Variants in HEATR4 observed in about 807,000 individuals in gnomAD.
The protein encoded by HEATR4 is HEAT repeat containing 4, also known as HEAT repeat-containing protein 4.
In HEATR4, 95 loss-of-function variants were observed where a neutral mutation model predicts 108.8. That is an observed-to-expected ratio of 0.87 (90% confidence interval 0.74 to 1.04). HEATR4 has a LOEUF of 1.04. Ranked by LOEUF, HEATR4 falls within the 50% of genes least tolerant of loss-of-function variation. HEATR4 has a pLI of 0.00. For synonymous variants in HEATR4, 443 were observed against 459.4 expected, an observed-to-expected ratio of 0.96 and a Z score of 0.46; for missense variants, 1,152 against 1,253.8, an observed-to-expected ratio of 0.92 and a Z score of 1.23.
intron 17 of HEATR4, chr14:73,491,323 C>A (rs1280471652): frequency 2.0e-6 from 3 of 1,500,832 alleles, no homozygotes; most frequent in South Asian, 1.3e-5. Flanking sequence ...ACCTGGGGCC[C>A]GCAGAGCTGC....
intron 17 of HEATR4, 35 bp from the exon 18 acceptor site, chr14:73,478,877 C>T: frequency 6.6e-7 from 1 of 1,514,432 alleles, no homozygotes; most frequent in Non-Finnish European, 9.0e-7. Flanking sequence ...GTGCATATGC[C>T]AAACGTGTCT....
chr14:73,562,277 A>G (rs944762406), upstream of HEATR4, among the ~76,000 whole-genome samples: 5 of 152,020 alleles, frequency 3.3e-5, no homozygotes, highest in East Asian at 1.9e-4. Context: ...TAATATGGAC[A>G]TTTATCAGTT....
chr14:73,498,050 T>C (rs1886205835), intron 14 of HEATR4, 105 bp downstream of exon 14: 11 of 1,057,494 alleles, frequency 1.0e-5, no homozygotes, highest in Non-Finnish European at 1.5e-5. Flanking sequence ...ACCAGTGCTT[T>C]TACTGCCATT....
chr14:73,511,686 T>G (rs1053129363), intron 7 of HEATR4, among the ~76,000 whole-genome samples: 1 of 151,956 alleles, frequency 6.6e-6, no homozygotes, highest in African/African-American at 2.4e-5. Flanking sequence ...ACTAGCCTGG[T>G]CAACATAGCA....
chr14:73,549,478 G>T lies in HEATR4; in HGVS notation c.-152+9273C>A, dbSNP rs1595160997. Among the ~76,000 whole-genome samples, 7 of 126,628 alleles carry T rather than the reference G, an allele frequency of 5.5e-5. No homozygotes were observed. The South Asian group carries it at 1.7e-3, about 31-fold the overall frequency. The allele number at this position is 126,628 out of a possible 152,430, so 83.1% of individuals were successfully genotyped here. ...GTAGAGAACATTCCTGTCACATTCT[G>T]CAGAAAAAGAAATTGAGGCAAGGGG... On this transcript the variant is annotated intron_variant, in intron 1 of 17. Coordinates refer to ENST00000553558, the MANE Select transcript of HEATR4 (RefSeq NM_001220484.1).
At chr14:73,615,388 T>TTAAAAAAAAAAAAAAAAAAAAA in the HEATR4 span, among the ~76,000 whole-genome samples, 1 of 63,338 alleles carries the variant, frequency 1.6e-5, no homozygotes, top group African/African-American at 1.0e-4. Flanking sequence ...CTCTGTCTGA[T>TTAAAAAAAAAAAAAAAAAAAAA]AAAAAAAAAA....
chr14:73,581,755 CAGATCCTGGGGCTTT>C, the HEATR4 span: 4 of 113,354 alleles, frequency 3.5e-5, no homozygotes, highest in African/African-American at 1.4e-4. Context: ...CCTGGGGCTT[CAGATCCTGGGGCTTT>C]ACCTGATTAA....
At chr14:73,490,971 G>A (rs753252169) in intron 17 of HEATR4, 4 of 1,313,348 alleles carry the variant, frequency 3.0e-6, no homozygotes, top group East Asian at 3.1e-5. Context: ...AACCGCTTTA[G>A]CTTCGCCCCC....
chr14:73,563,503 GA>G (rs1566856509), upstream of HEATR4, among the ~76,000 whole-genome samples: 4 of 152,026 alleles, frequency 2.6e-5, 1 homozygote, highest in Non-Finnish European at 5.9e-5. Flanking sequence ...GCTGAGGTAG[GA>G]GACTCACTTG....
intron 9 of HEATR4, 40 bp downstream of exon 9, chr14:73,508,094 G>C: frequency 1.3e-6 from 2 of 1,589,424 alleles, no homozygotes; most frequent in Non-Finnish European, 1.7e-6. Flanking sequence ...AGACCTAATT[G>C]CTCCCCAAAA....
the HEATR4 span, among the ~76,000 whole-genome samples, chr14:73,588,700 G>A: frequency 6.6e-6 from 1 of 152,122 alleles, no homozygotes; most frequent in African/African-American, 2.4e-5. Flanking sequence ...GAAAGAAGAG[G>A]TTCCTGGTGT....
intron 17 of HEATR4, chr14:73,491,676 G>A (rs771186082): frequency 6.5e-7 from 1 of 1,549,622 alleles, no homozygotes; most frequent in Non-Finnish European, 8.7e-7. Flanking sequence ...CACTTTTACC[G>A]GCGCCTATGG....
At chr14:73,525,411 C>G (rs902693576) in intron 2 of HEATR4, among the ~76,000 whole-genome samples, 8 of 152,118 alleles carry the variant, frequency 5.3e-5, no homozygotes, top group Non-Finnish European at 7.3e-5. Context: ...GATTAATATG[C>G]TATCACTCCA....
At chr14:73,503,685 G>T (rs550676727) in intron 10 of HEATR4, among the ~76,000 whole-genome samples, 2 of 152,162 alleles carry the variant, frequency 1.3e-5, no homozygotes, top group African/African-American at 4.8e-5. Context: ...AGTCTTCTTT[G>T]CCCCTTGTAA....
the HEATR4 span, among the ~76,000 whole-genome samples, chr14:73,599,227 C>T: frequency 6.6e-6 from 1 of 151,110 alleles, no homozygotes; most frequent in Non-Finnish European, 1.5e-5. Context: ...CTTCACATAA[C>T]CTCCACTGAG....
chr14:73,606,384 CAAAAA>C, the HEATR4 span, among the ~76,000 whole-genome samples: 28 of 143,422 alleles, frequency 2.0e-4, no homozygotes, highest in East Asian at 9.8e-4. Flanking sequence ...CAAAACAAAA[CAAAAA>C]AAAAAAAAAC....
chr14:73,610,567 A>T, the HEATR4 span, among the ~76,000 whole-genome samples: 3 of 152,112 alleles, frequency 2.0e-5, no homozygotes, highest in Non-Finnish European at 4.4e-5. Flanking sequence ...CTGGGATTAC[A>T]GGCATTAGCC....
intron 10 of HEATR4, among the ~76,000 whole-genome samples, chr14:73,504,244 ATT>A (rs537467265): frequency 2.5e-4 from 33 of 131,258 alleles, no homozygotes; most frequent in East Asian, 1.5e-3. Flanking sequence ...AGCCTGGCTA[ATT>A]TTTTTTTTTT....
the HEATR4 span, among the ~76,000 whole-genome samples, chr14:73,607,631 T>C: frequency 6.6e-6 from 1 of 150,848 alleles, no homozygotes; most frequent in Admixed American, 6.6e-5. Context: ...TTTTCTTTCT[T>C]TTTTTTTTGG....
Sources: allele counts gnomAD v4.1 joint callset (sites outside exome capture counted in the v4.1 genomes callset), GRCh38; gene constraint gnomAD v4.1.1; transcripts MANE v1.5; gene names NCBI Gene and HGNC (gene_info 2026-07-23, HGNC 2026-07-21).